Variants in HS6ST3 observed in about 807,000 individuals in gnomAD.
The protein encoded by HS6ST3 is heparan sulfate 6-O-sulfotransferase 3.
Under a neutral mutation model 36.7 loss-of-function variants are expected in HS6ST3, and 12 were observed. The ratio of observed to expected loss-of-function variants is 0.33; its 90% confidence interval spans 0.21 to 0.53. The LOEUF is 0.53. HS6ST3 is among the 20% of genes least tolerant of loss of function. HS6ST3 has a pLI of 0.95. For missense variants in HS6ST3, 584 were observed against 640.9 expected, an observed-to-expected ratio of 0.91 and a Z score of 0.96; for synonymous variants, 240 against 257.5, an observed-to-expected ratio of 0.93 and a Z score of 0.65.
intron 1 of HS6ST3, among the ~76,000 whole-genome samples, chr13:96,459,912 G>A (rs2055775575): frequency 6.6e-6 from 1 of 152,154 alleles, no homozygotes; most frequent in East Asian, 1.9e-4. Context: ...AAAGTTGTAG[G>A]AGTGATGTAA....
chr13:96,547,426 A>T (rs2056201795), intron 1 of HS6ST3, among the ~76,000 whole-genome samples: 1 of 152,190 alleles, frequency 6.6e-6, no homozygotes, highest in African/African-American at 2.4e-5. Flanking sequence ...TAGCCCTACC[A>T]TCAATAATAT....
intron 1 of HS6ST3, among the ~76,000 whole-genome samples, chr13:96,566,908 C>A (rs1277195630): frequency 6.6e-6 from 1 of 151,964 alleles, no homozygotes; most frequent in Non-Finnish European, 1.5e-5. Flanking sequence ...TAAATATATC[C>A]AATTTTTCTT....
intron 1 of HS6ST3, among the ~76,000 whole-genome samples, chr13:96,608,802 G>A (rs1348349581): frequency 6.6e-6 from 1 of 152,080 alleles, no homozygotes; most frequent in East Asian, 1.9e-4. Flanking sequence ...GATGATTTTG[G>A]TGAGGGGAAC....
intron 1 of HS6ST3, among the ~76,000 whole-genome samples, chr13:96,463,942 A>G (rs1476670545): frequency 6.6e-6 from 1 of 151,636 alleles, no homozygotes; most frequent in Non-Finnish European, 1.5e-5. Context: ...GAGAACCCAC[A>G]TTCACTTTTG....
intron 1 of HS6ST3, among the ~76,000 whole-genome samples, chr13:96,191,200 G>GT (rs2054286896): frequency 6.6e-6 from 1 of 152,156 alleles, no homozygotes. Flanking sequence ...GCTTCTGACT[G>GT]TTTTTTCTGC....
chr13:96,749,792 T>C (rs1207898722), intron 1 of HS6ST3, among the ~76,000 whole-genome samples: 1 of 152,142 alleles, frequency 6.6e-6, no homozygotes, highest in Non-Finnish European at 1.5e-5. Flanking sequence ...TCATTGAAAA[T>C]TGTCCTTTCC....
At chr13:96,154,635 G>T (rs937084145) in intron 1 of HS6ST3, among the ~76,000 whole-genome samples, 7 of 152,036 alleles carry the variant, frequency 4.6e-5, no homozygotes, top group African/African-American at 1.7e-4. Context: ...AACAGATAAA[G>T]ATAATGAACA....
At chr13:96,718,684 A>G (rs1264898712) in intron 1 of HS6ST3, among the ~76,000 whole-genome samples, 3 of 152,256 alleles carry the variant, frequency 2.0e-5, no homozygotes, top group Non-Finnish European at 4.4e-5. Flanking sequence ...TAATTGAATA[A>G]TGACTAATAC....
rs138460926 is a variant in HS6ST3 at position 96,419,853 on chromosome 13, C to T, written c.707+328284C>T. Among the ~76,000 whole-genome samples, 261 of 152,204 alleles carry T rather than the reference C, an allele frequency of 1.7e-3. 1 individual carries two copies. Among genetic ancestry groups the T allele is most frequent in the Non-Finnish European group, 3.1e-3 (208 of 68,022 alleles). ...CATTTCCCTCTTCCTATAAGGACAC[C>T]AGTTTTGTTGCTTTAGGGCCCACTC... On this transcript the variant is annotated intron_variant, in intron 1 of 1. Transcript: ENST00000376705.
intron 1 of HS6ST3, among the ~76,000 whole-genome samples, chr13:96,386,452 G>T (rs543718057): frequency 6.6e-6 from 1 of 152,204 alleles, no homozygotes; most frequent in East Asian, 1.9e-4. Context: ...ACATCTCACA[G>T]ACTTTTTTTT....
At chr13:96,484,748 T>C (rs9582051) in intron 1 of HS6ST3, among the ~76,000 whole-genome samples, 9,866 of 152,276 alleles carry the variant, frequency 0.065, 491 homozygotes, top group African/African-American at 0.13. Flanking sequence ...CATTCATCCA[T>C]TGATGGACAC....
intron 1 of HS6ST3, among the ~76,000 whole-genome samples, chr13:96,485,986 G>T (rs1447796795): frequency 6.6e-6 from 1 of 151,418 alleles, no homozygotes; most frequent in South Asian, 2.1e-4. Flanking sequence ...TTAACATTAG[G>T]TATATCTCCT....
intron 1 of HS6ST3, among the ~76,000 whole-genome samples, chr13:96,685,771 T>C (rs1874757599): frequency 6.6e-6 from 1 of 151,972 alleles, no homozygotes; most frequent in Non-Finnish European, 1.5e-5. Flanking sequence ...GCCATCTCAT[T>C]CCCGTTTTCC....
At chr13:96,100,563 G>C (rs1429327864) in intron 1 of HS6ST3, among the ~76,000 whole-genome samples, 1 of 152,216 alleles carries the variant, frequency 6.6e-6, no homozygotes, top group Non-Finnish European at 1.5e-5. Context: ...AGTTTCAGTA[G>C]TAGGAGAGAG....
chr13:96,235,729 A>G (rs563853498), intron 1 of HS6ST3, among the ~76,000 whole-genome samples: 4 of 152,104 alleles, frequency 2.6e-5, no homozygotes, highest in Non-Finnish European at 5.9e-5. Flanking sequence ...TCTCCTGGTC[A>G]TCCCTCTTCG....
chr13:96,796,098 A>G (rs1877901406), intron 1 of HS6ST3, among the ~76,000 whole-genome samples: 1 of 152,138 alleles, frequency 6.6e-6, no homozygotes, highest in Admixed American at 6.6e-5. Context: ...TTTCAGAAGC[A>G]TTATGATTCA....
At chr13:96,101,394 A>T (rs1380901941) in intron 1 of HS6ST3, among the ~76,000 whole-genome samples, 1 of 152,032 alleles carries the variant, frequency 6.6e-6, no homozygotes, top group Non-Finnish European at 1.5e-5. Context: ...AACTATCCTC[A>T]TATTTTTAGT....
At position 96,482,519 on chromosome 13, in the gene HS6ST3, C is replaced by T. The variant is rs1251631216; in HGVS notation, c.708-349971C>T. ...GCCTTGTCTGTCCTATAGGGACTAA[C>T]TTTTTATCTGGTCTCCTCTGCAGTG... On this transcript the variant is annotated intron_variant, in intron 1 of 1. Coordinates refer to ENST00000376705, the MANE Select transcript of HS6ST3 (RefSeq NM_153456.4). 4.7e-5 allele frequency among the ~76,000 whole-genome samples: 7 copies of T among 149,304 alleles called. No individual in the cohort carries two copies. In the South Asian group the frequency reaches 1.1e-3, roughly 23 times the overall value.
intron 1 of HS6ST3, among the ~76,000 whole-genome samples, chr13:96,793,805 T>A (rs1027091168): frequency 1.3e-5 from 2 of 151,942 alleles, no homozygotes; most frequent in Admixed American, 1.3e-4. Context: ...GTCTGCTACA[T>A]CCTGGAAAAC....
Sources: allele counts gnomAD v4.1 joint callset (sites outside exome capture counted in the v4.1 genomes callset), GRCh38; gene constraint gnomAD v4.1.1; transcripts MANE v1.5; gene names NCBI Gene and HGNC (gene_info 2026-07-23, HGNC 2026-07-21).